Variants in RSU1 observed in about 807,000 individuals in gnomAD.
The protein encoded by RSU1 is Ras suppressor protein 1.
Under a neutral mutation model 31.1 loss-of-function variants are expected in RSU1, and 26 were observed. The ratio of observed to expected loss-of-function variants is 0.84; its 90% confidence interval spans 0.61 to 1.16. The LOEUF is 1.16. RSU1 is among the 50% of genes most tolerant of loss of function. The pLI is 0.00. For missense variants in RSU1, 320 were observed against 339.1 expected (o/e 0.94, Z 0.44); for synonymous variants, 164 against 136.3 (o/e 1.20, Z -1.41).
rs376235795 is a variant in RSU1, at chr10:16,639,200, G to A, written c.732-45704C>T. Among the ~76,000 whole-genome samples, 10 of 152,338 alleles carry A rather than the reference G, an allele frequency of 6.6e-5. No homozygotes were observed. The East Asian group carries it at 1.9e-3, about 29-fold the overall frequency. ...AATAAAACTGTGGCTACAGTGAGAA[G>A]TGTGATCAAAATCACACGTGACTCC... On this transcript the variant is annotated intron_variant, in intron 8 of 8. Transcript: ENST00000345264.
intron 4 of RSU1, among the ~76,000 whole-genome samples, chr10:16,762,309 T>A (rs182571915): frequency 9.3e-5 from 14 of 150,942 alleles, no homozygotes; most frequent in Admixed American, 2.6e-4. Flanking sequence ...TATATATATA[T>A]AAAATAGATA....
At chr10:16,764,583 G>C in intron 3 of RSU1, 73 bp from the exon 4 acceptor site, 2 of 1,472,340 alleles carry the variant, frequency 1.4e-6, no homozygotes, top group Non-Finnish European at 1.8e-6. Flanking sequence ...GGCACATTTT[G>C]TTTTTCTTTC....
At chr10:16,701,614 T>G (rs1835795712) in intron 7 of RSU1, among the ~76,000 whole-genome samples, 1 of 127,986 alleles carries the variant, frequency 7.8e-6, no homozygotes, top group African/African-American at 2.8e-5. Flanking sequence ...ATAGTACAAC[T>G]TACACACACA....
intron 2 of RSU1, among the ~76,000 whole-genome samples, chr10:16,803,369 C>A (rs1385048204): frequency 9.9e-5 from 15 of 152,156 alleles, no homozygotes; most frequent in African/African-American, 3.1e-4. Flanking sequence ...CCTAAATAAA[C>A]AATGAGATAC....
At position 16,654,687 on chromosome 10, in the gene RSU1, A is replaced by C. The variant is rs988361095; in HGVS notation, c.731+40336T>G. Among the ~76,000 whole-genome samples the C allele has an allele frequency of 2.6e-5, 4 of 151,816 alleles. No homozygotes were observed. The South Asian group carries it at 8.3e-4, about 32-fold the overall frequency. On this transcript the variant is annotated intron_variant, in intron 8 of 8. Coordinates refer to ENST00000345264, the MANE Select transcript of RSU1 (RefSeq NM_012425.4). ...CCATCTCAAAAACAAAAACAAAAAA[A>C]AAAAAAAAGGAAATGATTTAGTGTG...
At chr10:16,745,685 G>C (rs1836838388) in intron 7 of RSU1, among the ~76,000 whole-genome samples, 1 of 152,138 alleles carries the variant, frequency 6.6e-6, no homozygotes, top group Admixed American at 6.5e-5. Context: ...CAACGCGTGG[G>C]AATTATGGGA....
At chr10:16,628,813 T>G (rs1037883287) in intron 8 of RSU1, among the ~76,000 whole-genome samples, 1 of 152,232 alleles carries the variant, frequency 6.6e-6, no homozygotes, top group Non-Finnish European at 1.5e-5. Context: ...AAATTAATTC[T>G]TACTTTTCGT....
chr10:16,720,966 A>C (rs1268027467), intron 7 of RSU1, among the ~76,000 whole-genome samples: 1 of 152,188 alleles, frequency 6.6e-6, no homozygotes, highest in Admixed American at 6.5e-5. Flanking sequence ...CAGCCTGGAC[A>C]ACTGAACAAG....
At chr10:16,805,457 G>T (rs770507167) in intron 2 of RSU1, among the ~76,000 whole-genome samples, 12 of 152,064 alleles carry the variant, frequency 7.9e-5, no homozygotes, top group Middle Eastern at 3.4e-3. Flanking sequence ...GGATCACGAC[G>T]TGAGGAGATC....
At chr10:16,652,134 T>C (rs1445684636) in intron 8 of RSU1, among the ~76,000 whole-genome samples, 1 of 152,094 alleles carries the variant, frequency 6.6e-6, no homozygotes, top group Non-Finnish European at 1.5e-5. Context: ...CACCTTTAAA[T>C]GACCTCTTTA....
At chr10:16,602,607 T>C (rs563124747) in intron 8 of RSU1, among the ~76,000 whole-genome samples, 3 of 152,356 alleles carry the variant, frequency 2.0e-5, no homozygotes, top group South Asian at 4.1e-4. Flanking sequence ...TTGTGTGCTA[T>C]GTAAATATTG....
At chr10:16,714,200 A>C (rs1463898846) in intron 7 of RSU1, among the ~76,000 whole-genome samples, 1 of 152,162 alleles carries the variant, frequency 6.6e-6, no homozygotes, top group East Asian at 1.9e-4. Flanking sequence ...CTGTCTCTTC[A>C]AGAGGATGGA....
intron 7 of RSU1, chr10:16,722,946 GTA>G (rs1258801125): frequency 6.9e-6 from 1 of 144,964 alleles, no homozygotes; most frequent in African/African-American, 2.6e-5. Flanking sequence ...ATACATATAT[GTA>G]TATATACACA....
At chr10:16,759,851 T>C (rs1271898105) in intron 4 of RSU1, among the ~76,000 whole-genome samples, 1 of 150,390 alleles carries the variant, frequency 6.6e-6, no homozygotes, top group East Asian at 2.0e-4. Flanking sequence ...CTGTAAATAC[T>C]ATAAAAACTT....
At chr10:16,731,362 G>A (rs540688773) in intron 7 of RSU1, among the ~76,000 whole-genome samples, 199 of 151,386 alleles carry the variant, frequency 1.3e-3, no homozygotes, top group Non-Finnish European at 1.6e-3. Flanking sequence ...CCCAGGAGGC[G>A]GAGCTTGCAG....
intron 8 of RSU1, among the ~76,000 whole-genome samples, chr10:16,693,353 G>T (rs1268840370): frequency 6.6e-6 from 1 of 152,172 alleles, no homozygotes; most frequent in East Asian, 1.9e-4. Context: ...CGCTCAGGCT[G>T]CAAGACTGCA....
At chr10:16,783,503 G>A (rs184899827) in intron 2 of RSU1, among the ~76,000 whole-genome samples, 1 of 151,590 alleles carries the variant, frequency 6.6e-6, no homozygotes, top group Non-Finnish European at 1.5e-5. Flanking sequence ...CTACAGGTGC[G>A]TGCCACCACG....
intron 8 of RSU1, among the ~76,000 whole-genome samples, chr10:16,593,972 C>G (rs901025822): frequency 1.3e-5 from 2 of 152,206 alleles, no homozygotes; most frequent in African/African-American, 4.8e-5. Context: ...GGCTGGCCAC[C>G]ACACATCAAT....
At chr10:16,753,264 T>C (rs1241222800) in intron 5 of RSU1, among the ~76,000 whole-genome samples, 1 of 152,254 alleles carries the variant, frequency 6.6e-6, no homozygotes, top group Non-Finnish European at 1.5e-5. Flanking sequence ...GGCACAGAGT[T>C]TCAGCACATT....
Sources: allele counts gnomAD v4.1 joint callset (sites outside exome capture counted in the v4.1 genomes callset), GRCh38; gene constraint gnomAD v4.1.1; transcripts MANE v1.5; gene names NCBI Gene and HGNC (gene_info 2026-07-23, HGNC 2026-07-21).